Variants in ZNF804B observed in about 807,000 individuals in gnomAD.
ZNF804B encodes the protein zinc finger protein 804B, also known as zinc finger 804B.
In ZNF804B, 80 loss-of-function variants were observed where a neutral mutation model predicts 101.4. The observed-to-expected ratio is 0.79, with a 90% confidence interval of 0.66 to 0.95. The LOEUF is 0.95. Ranked by LOEUF, ZNF804B falls within the 40% of genes least tolerant of loss-of-function variation. The probability of loss-of-function intolerance (pLI) is 0.00; values close to 1 mark genes in which losing one functional copy is unlikely to be tolerated. For missense variants in ZNF804B, 1,673 were observed against 1,561.9 expected, an observed-to-expected ratio of 1.07 and a Z score of -1.20; for synonymous variants, 622 against 558.8, an observed-to-expected ratio of 1.11 and a Z score of -1.59.
intron 1 of ZNF804B, among the ~76,000 whole-genome samples, chr7:88,989,393 A>G (rs1213816896): frequency 1.3e-5 from 2 of 152,148 alleles, no homozygotes; most frequent in East Asian, 3.9e-4. Context: ...TAAGATAACA[A>G]AACACTGAGC....
At chr7:89,181,222 C>G (rs1788291103) in intron 1 of ZNF804B, among the ~76,000 whole-genome samples, 1 of 151,866 alleles carries the variant, frequency 6.6e-6, no homozygotes, top group South Asian at 2.1e-4. Flanking sequence ...GTTGTGTGAA[C>G]CCCAAGTCCA....
Position 89,334,717 on chromosome 7 carries a change from A to G in ZNF804B, c.1735A>G (p.Lys579Glu), listed in dbSNP as rs140900637. The change falls in exon 4 of 4, where the codon AAA (lysine) becomes GAA (glutamate). Residue 579 changes from lysine to glutamate, a missense_variant. Transcript: ENST00000333190. ...SANDLEMKNP[K>E]VPLYLNTSLK... ...AAATGATTTGGAAATGAAAAATCCT[A>G]AAGTGCCTCTTTACCTCAACACATC... is the stretch of plus-strand genomic sequence containing the variant. 411 of 1,613,772 alleles carry G rather than the reference A, an allele frequency of 2.5e-4. 1 individual carries two copies. The highest frequency in any genetic ancestry group is 2.4e-4 in the Non-Finnish European group (283 of 1,179,838).
At chr7:89,263,699 A>T (rs767787221) in intron 2 of ZNF804B, among the ~76,000 whole-genome samples, 5 of 151,956 alleles carry the variant, frequency 3.3e-5, no homozygotes, top group Non-Finnish European at 5.9e-5. Flanking sequence ...AAATGTCCTC[A>T]CCTGAAACAC....
At chr7:89,077,975 T>C (rs1249872647) in intron 1 of ZNF804B, among the ~76,000 whole-genome samples, 1 of 152,116 alleles carries the variant, frequency 6.6e-6, no homozygotes, top group Non-Finnish European at 1.5e-5. Context: ...AACCACTTTG[T>C]ATTAAAATAT....
chr7:89,329,212 G>A (rs1302671231), intron 3 of ZNF804B, among the ~76,000 whole-genome samples: 1 of 151,668 alleles, frequency 6.6e-6, no homozygotes, highest in Non-Finnish European at 1.5e-5. Context: ...TATTGTTATG[G>A]AAAAGACAAG....
intron 2 of ZNF804B, among the ~76,000 whole-genome samples, chr7:89,279,326 A>G (rs1002403476): frequency 6.5e-4 from 98 of 151,678 alleles, no homozygotes; most frequent in East Asian, 2.5e-3. Context: ...CTCTTTTCCT[A>G]ATTGAATACC....
intron 1 of ZNF804B, among the ~76,000 whole-genome samples, chr7:88,854,740 A>T (rs1336252563): frequency 7.1e-6 from 1 of 140,836 alleles, no homozygotes; most frequent in Admixed American, 7.1e-5. Context: ...ATCTCCTAAT[A>T]CTATCCCTCC....
chr7:89,182,835 C>T (rs1788317760), intron 1 of ZNF804B, among the ~76,000 whole-genome samples: 1 of 152,052 alleles, frequency 6.6e-6, no homozygotes, highest in Admixed American at 6.6e-5. Context: ...TTGCCCATTT[C>T]TTAGGGGAAG....
At position 89,190,434 on chromosome 7, in the gene ZNF804B, G is replaced by A. The variant is rs144963195; in HGVS notation, c.109-27721G>A. 2.7e-4 allele frequency among the ~76,000 whole-genome samples: 41 copies of A among 152,130 alleles called. No individual in the cohort carries two copies. The East Asian group carries it at 2.7e-3, about 10-fold the overall frequency. ...TTAATAAAATTTTAACAGACAAGGA[G>A]TTGCTTCTTATGAATGAGCAAAGAA... On this transcript the variant is annotated intron_variant, in intron 1 of 3. Coordinates refer to ENST00000333190, the MANE Select transcript of ZNF804B (RefSeq NM_181646.5).
chr7:88,941,152 T>C (rs1793049373), intron 1 of ZNF804B, among the ~76,000 whole-genome samples: 1 of 152,004 alleles, frequency 6.6e-6, no homozygotes, highest in East Asian at 1.9e-4. Flanking sequence ...AATCTCTCAT[T>C]CTTTGCTAGT....
At chr7:88,915,673 A>G (rs1293209420) in intron 1 of ZNF804B, among the ~76,000 whole-genome samples, 1 of 151,970 alleles carries the variant, frequency 6.6e-6, no homozygotes, top group Non-Finnish European at 1.5e-5. Context: ...GACAGAACTT[A>G]GCCACATGAT....
intron 1 of ZNF804B, among the ~76,000 whole-genome samples, chr7:88,912,555 A>G (rs1334565513): frequency 1.3e-5 from 2 of 152,064 alleles, no homozygotes; most frequent in African/African-American, 4.8e-5. Context: ...CATTTTGTCT[A>G]TGTTCGTCTT....
intron 2 of ZNF804B, among the ~76,000 whole-genome samples, chr7:89,271,591 G>A (rs903149305): frequency 7.2e-5 from 11 of 152,144 alleles, no homozygotes; most frequent in East Asian, 1.9e-4. Flanking sequence ...CATAAAATGA[G>A]TTAGGGAGGA....
chr7:89,312,753 G>A (rs1382360570), intron 2 of ZNF804B, among the ~76,000 whole-genome samples: 3 of 151,640 alleles, frequency 2.0e-5, no homozygotes, highest in Non-Finnish European at 4.4e-5. Context: ...CAGCTACTAG[G>A]AAGGCTGAAG....
At chr7:89,278,767 T>C (rs1208863) in intron 2 of ZNF804B, among the ~76,000 whole-genome samples, 34,303 of 147,872 alleles carry the variant, frequency 0.23, 4,159 homozygotes, top group Non-Finnish European at 0.27. Flanking sequence ...TGTAGTATAG[T>C]TTGAAGTCAG....
chr7:89,147,838 C>A (rs764734353), intron 1 of ZNF804B, among the ~76,000 whole-genome samples: 3 of 151,636 alleles, frequency 2.0e-5, no homozygotes, highest in Non-Finnish European at 2.9e-5. Flanking sequence ...TCTCCCATCA[C>A]CCCCAGATGG....
Position 89,336,927 on chromosome 7 carries a change from A to G in ZNF804B, c.3945A>G (p.Gln1315=). Residue 1315 remains glutamine, a synonymous_variant, in exon 4 of 4, where the codon CAA becomes CAG. Transcript: ENST00000333190. ...TCATCCACTTGAATCCTTTAATCCA[A>G]CCAGTATTCCAAGGTCAAGATTTTT... ...TSIIHLNPLI[Q]PVFQGQDFCH... The G allele has an allele frequency of 6.2e-7, 1 of 1,613,912 alleles. No homozygotes were observed. Among genetic ancestry groups the G allele is most frequent in the Non-Finnish European group, 8.5e-7 (1 of 1,179,954 alleles).
chr7:88,777,656 T>G (rs1790164213), intron 1 of ZNF804B, among the ~76,000 whole-genome samples: 1 of 152,082 alleles, frequency 6.6e-6, no homozygotes, highest in Non-Finnish European at 1.5e-5. Flanking sequence ...CAGCCTGGCC[T>G]GGCCAACATG....
At chr7:88,947,506 G>A (rs912601498) in intron 1 of ZNF804B, among the ~76,000 whole-genome samples, 4 of 151,632 alleles carry the variant, frequency 2.6e-5, no homozygotes, top group East Asian at 3.9e-4. Flanking sequence ...CAAACACCAG[G>A]GCCTGTCAGG....
Sources: gnomAD v4.1 joint callset for allele counts (sites outside exome capture counted in the v4.1 genomes callset) on GRCh38, gnomAD v4.1.1 for gene constraint, MANE v1.5 for transcripts, NCBI Gene and HGNC (gene_info 2026-07-23, HGNC 2026-07-21) for gene names.